The following SCN10A variants were observed in gnomAD, a reference collection of about 807,000 sequenced individuals.
The protein encoded by SCN10A is sodium channel protein type 10 subunit alpha.
In SCN10A, 162 loss-of-function variants were observed where a neutral mutation model predicts 170.7. The ratio of observed to expected loss-of-function variants is 0.95; its 90% confidence interval spans 0.84 to 1.08. The LOEUF (loss-of-function observed/expected upper bound fraction) is 1.08, where lower values mean the gene tolerates loss of function less well. Ranked by LOEUF, SCN10A falls within the 50% of genes least tolerant of loss-of-function variation. The pLI, the probability that SCN10A is intolerant of heterozygous loss-of-function variation, is 0.00. For synonymous variants in SCN10A, 985 were observed against 904.6 expected, an observed-to-expected ratio of 1.09 and a Z score of -1.59; for missense variants, 2,527 against 2,436.9, an observed-to-expected ratio of 1.04 and a Z score of -0.78.
At chr3:38,804,485 T>C (rs910525510) in intron 1 of SCN10A, among the ~76,000 whole-genome samples, 2 of 152,188 alleles carry the variant, frequency 1.3e-5, no homozygotes, top group Admixed American at 1.3e-4. Context: ...TCTATTTGCT[T>C]AGCTGTTGAA....
intron 4 of SCN10A, among the ~76,000 whole-genome samples, chr3:38,782,754 G>T (rs1282536771): frequency 6.6e-6 from 1 of 151,754 alleles, no homozygotes; most frequent in African/African-American, 2.4e-5. Context: ...TCAGTGTTCT[G>T]CATTTTTTGC....
At chr3:38,754,315 T>A (rs2063780165) in intron 11 of SCN10A, among the ~76,000 whole-genome samples, 1 of 152,266 alleles carries the variant, frequency 6.6e-6, no homozygotes, top group Non-Finnish European at 1.5e-5. Context: ...TCTAATACAC[T>A]ATTTAACACA....
chr3:38,734,617 T>A (rs2063541778), intron 15 of SCN10A, among the ~76,000 whole-genome samples: 1 of 152,222 alleles, frequency 6.6e-6, no homozygotes, highest in Non-Finnish European at 1.5e-5. Context: ...ACATGTAGAA[T>A]AATTGTCTGA....
At chr3:38,740,258 C>T (rs1179212812) in intron 14 of SCN10A, among the ~76,000 whole-genome samples, 1 of 152,132 alleles carries the variant, frequency 6.6e-6, no homozygotes, top group African/African-American at 2.4e-5. Flanking sequence ...TTCTTTTAGG[C>T]TCTGTGTGTC....
chr3:38,740,278 C>T (rs2063617230), intron 14 of SCN10A, among the ~76,000 whole-genome samples: 1 of 152,138 alleles, frequency 6.6e-6, no homozygotes, highest in African/African-American at 2.4e-5. Flanking sequence ...CTCTAATTGT[C>T]TTAAATAGGA....
intron 11 of SCN10A, 25 bp downstream of exon 11, chr3:38,755,763 T>C: frequency 6.2e-7 from 1 of 1,612,310 alleles, no homozygotes; most frequent in Non-Finnish European, 8.5e-7. Flanking sequence ...GGGTAATCTT[T>C]AGAGCACAAA....
chr3:38,709,738 G>C, intron 24 of SCN10A, 123 bp from the exon 25 acceptor site: 1 of 847,498 alleles, frequency 1.2e-6, no homozygotes. Context: ...ATCCAAGGAA[G>C]CAGGAATGAG....
At chr3:38,742,955 A>G (rs925621474) in intron 13 of SCN10A, among the ~76,000 whole-genome samples, 6 of 152,162 alleles carry the variant, frequency 3.9e-5, no homozygotes, top group African/African-American at 1.4e-4. Context: ...GCACCCAACC[A>G]GCTGGACCTG....
intron 4 of SCN10A, among the ~76,000 whole-genome samples, chr3:38,783,553 G>A (rs1438346175): frequency 6.6e-6 from 1 of 151,752 alleles, no homozygotes; most frequent in African/African-American, 2.4e-5. Context: ...AATTTTTATT[G>A]CTGTAAGTTT....
At chr3:38,734,235 T>G (rs2126007688) in intron 15 of SCN10A, among the ~76,000 whole-genome samples, 1 of 152,282 alleles carries the variant, frequency 6.6e-6, no homozygotes, top group South Asian at 2.1e-4. Flanking sequence ...TTGGCCAGGC[T>G]GGTCTCCAAC....
rs181475638 is a variant in SCN10A, at chr3:38,747,248, T to C, written c.1867+2825A>G. Among the ~76,000 whole-genome samples, 3 of 152,292 alleles carry C rather than the reference T, an allele frequency of 2.0e-5. No individual in the cohort carries two copies. The East Asian group carries it at 5.8e-4, about 29-fold the overall frequency. Reference sequence around the variant, plus strand: ...CCCCAACATATTTGCCTATTACTTATTTTCTTCCTTTTTATCAGTTCACAC... The same window carrying C: ...CCCCAACATATTTGCCTATTACTTACTTTCTTCCTTTTTATCAGTTCACAC... On this transcript the variant is annotated intron_variant, in intron 13 of 27. Coordinates refer to ENST00000449082, the MANE Select transcript of SCN10A (RefSeq NM_006514.4).
At chr3:38,728,082 G>A (rs1226176194) in intron 16 of SCN10A, among the ~76,000 whole-genome samples, 1 of 152,200 alleles carries the variant, frequency 6.6e-6, no homozygotes, top group Admixed American at 6.5e-5. Context: ...AGCCCCCTCA[G>A]ATTGGGGAAG....
chr3:38,750,076 C>T lies in SCN10A; in HGVS notation c.1864G>A (p.Glu622Lys), dbSNP rs778601005. 1.3e-6 allele frequency: 2 copies of T among 1,584,826 alleles called. No homozygotes were observed. The highest frequency in any genetic ancestry group is 2.2e-5 in the East Asian group (1 of 44,746). ...CAATGCAGTGAGCAGCACTTACCCTCAAGGACGGAGGTTATGATACTGACA... is the reference window on the plus strand; with the variant it reads ...CAATGCAGTGAGCAGCACTTACCCTTAAGGACGGAGGTTATGATACTGACA... ...SVVSIITSVL[E>K]ELEESEQKCP... The change falls in exon 13 of 28, where the codon GAG becomes AAG. Residue 622 changes from glutamate (E) to lysine (K), a missense_variant. Transcript: ENST00000449082.
intron 1 of SCN10A, among the ~76,000 whole-genome samples, chr3:38,798,138 T>C (rs556877598): frequency 1.3e-5 from 2 of 152,304 alleles, no homozygotes; most frequent in East Asian, 1.9e-4. Context: ...TCTAGGAATG[T>C]CATAGAAGAG....
At chr3:38,758,538 G>A (rs1350775222) in intron 8 of SCN10A, among the ~76,000 whole-genome samples, 1 of 152,206 alleles carries the variant, frequency 6.6e-6, no homozygotes, top group Non-Finnish European at 1.5e-5. Context: ...AATATATGTG[G>A]AAGAACACTG....
intron 25 of SCN10A, among the ~76,000 whole-genome samples, chr3:38,709,205 T>C (rs1269555529): frequency 6.6e-6 from 1 of 152,162 alleles, no homozygotes; most frequent in Non-Finnish European, 1.5e-5. Flanking sequence ...CAGGGCTCAC[T>C]TGGAACACAT....
At position 38,793,854 on chromosome 3, in the gene SCN10A, GC is replaced by G; in HGVS notation, c.156del (p.Gln54SerfsTer4). ...TTGCAGGCTTTCAAGTCCAGCTGGG[GC>G]CGAGGCTTCTCTTCTTGGTCCTTCT... The part of the protein sequence containing the change: ...REQKDQEEKP[R>X]PQLDLKACNQ... On this transcript the variant is annotated frameshift_variant, in exon 2 of 28. Transcript: ENST00000449082. LOFTEE classifies it high-confidence loss of function. The G allele has an allele frequency of 6.2e-7, 1 of 1,614,064 alleles. No individual in the cohort carries two copies. Among genetic ancestry groups the G allele is most frequent in the Non-Finnish European group, 8.5e-7 (1 of 1,179,956 alleles).
At chr3:38,721,443 C>T (rs1212008855) in intron 20 of SCN10A, among the ~76,000 whole-genome samples, 4 of 152,216 alleles carry the variant, frequency 2.6e-5, no homozygotes, top group Non-Finnish European at 5.9e-5. Context: ...TAAGTTCCTT[C>T]CTGTGTCTAT....
intron 4 of SCN10A, among the ~76,000 whole-genome samples, chr3:38,780,397 G>T (rs1270241368): frequency 1.3e-5 from 2 of 152,034 alleles, no homozygotes; most frequent in African/African-American, 4.8e-5. Flanking sequence ...ATAGAGTTGG[G>T]TATTGCTTTG....
Sources: gnomAD v4.1 joint callset for allele counts (sites outside exome capture counted in the v4.1 genomes callset) on GRCh38, gnomAD v4.1.1 for gene constraint, MANE v1.5 for transcripts, NCBI Gene and HGNC (gene_info 2026-07-23, HGNC 2026-07-21) for gene names.